Variants in CPA6 observed in about 807,000 individuals in gnomAD.
The protein encoded by CPA6 is carboxypeptidase B.
A neutral mutation model predicts 63.3 loss-of-function variants in CPA6; 58 were observed. The ratio of observed to expected loss-of-function variants is 0.92; its 90% CI spans 0.74 to 1.14. The LOEUF is 1.14. CPA6 is among the 50% of genes most tolerant of loss of function. The pLI is 0.00. For missense variants in CPA6, 565 were observed against 526.6 expected (o/e 1.07, Z -0.71); for synonymous variants, 185 against 179.0 (o/e 1.03, Z -0.27).
At chr8:67,702,906 AAGTGTACTTTACTTCCT>A (rs1173814054) in intron 1 of CPA6, among the ~76,000 whole-genome samples, 2 of 152,106 alleles carry the variant, frequency 1.3e-5, no homozygotes, top group African/African-American at 4.8e-5. Context: ...GCCCTCTTCC[AAGTGTACTTTACTTCCT>A]TTCATTCCTG....
intron 6 of CPA6, among the ~76,000 whole-genome samples, chr8:67,486,345 A>G (rs912073876): frequency 1.3e-5 from 2 of 152,262 alleles, no homozygotes; most frequent in African/African-American, 4.8e-5. Context: ...GAAATCTGCT[A>G]TGTGACACTT....
chr8:67,673,252 G>A (rs1816387883), intron 1 of CPA6, among the ~76,000 whole-genome samples: 1 of 151,748 alleles, frequency 6.6e-6, no homozygotes, highest in African/African-American at 2.4e-5. Context: ...GGGCAAAATA[G>A]GGATATTCAC....
At chr8:67,438,209 T>G (rs1454339303) in intron 8 of CPA6, among the ~76,000 whole-genome samples, 4 of 152,208 alleles carry the variant, frequency 2.6e-5, no homozygotes, top group African/African-American at 7.2e-5. Context: ...TGGGCCACCA[T>G]GCCCGGCTAA....
intron 10 of CPA6, among the ~76,000 whole-genome samples, chr8:67,427,548 C>T (rs1305996583): frequency 6.6e-6 from 1 of 152,232 alleles, no homozygotes; most frequent in Admixed American, 6.5e-5. Context: ...TCTGGCTCTG[C>T]TATACATTTT....
intron 1 of CPA6, among the ~76,000 whole-genome samples, chr8:67,702,017 CAA>C (rs1817034952): frequency 6.6e-6 from 1 of 152,032 alleles, no homozygotes; most frequent in Non-Finnish European, 1.5e-5. Flanking sequence ...CTCCTACTCT[CAA>C]GTGTTTGTTA....
At chr8:67,572,407 A>G (rs1298849191) in intron 2 of CPA6, among the ~76,000 whole-genome samples, 1 of 152,192 alleles carries the variant, frequency 6.6e-6, no homozygotes, top group African/African-American at 2.4e-5. Flanking sequence ...ATTAGTTCCT[A>G]TGAGAGGAGC....
chr8:67,731,397 T>A (rs566012056), intron 1 of CPA6, among the ~76,000 whole-genome samples: 2 of 152,304 alleles, frequency 1.3e-5, no homozygotes, highest in African/African-American at 4.8e-5. Flanking sequence ...TCCTCTCACT[T>A]CTTCCACAAT....
At chr8:67,475,509 A>G (rs1811152761) in intron 8 of CPA6, among the ~76,000 whole-genome samples, 1 of 152,238 alleles carries the variant, frequency 6.6e-6, no homozygotes, top group African/African-American at 2.4e-5. Context: ...GGGAGCTGGA[A>G]TAATGGCTGA....
intron 1 of CPA6, among the ~76,000 whole-genome samples, chr8:67,726,706 CA>C (rs1292281166): frequency 7.2e-5 from 11 of 152,306 alleles, no homozygotes; most frequent in African/African-American, 2.6e-4. Context: ...TACTTAAATG[CA>C]TATATCAGCA....
At chr8:67,679,024 TA>T (rs1368921876) in intron 1 of CPA6, among the ~76,000 whole-genome samples, 1 of 152,172 alleles carries the variant, frequency 6.6e-6, no homozygotes, top group Non-Finnish European at 1.5e-5. Flanking sequence ...GGTATGGTGT[TA>T]AAAGTCAGGA....
chr8:67,472,168 G>C (rs1266203632), intron 8 of CPA6, among the ~76,000 whole-genome samples: 1 of 152,024 alleles, frequency 6.6e-6, no homozygotes. Flanking sequence ...TAAAGACTGA[G>C]CAGCATGGGA....
intron 1 of CPA6, among the ~76,000 whole-genome samples, chr8:67,720,586 G>A (rs1462871752): frequency 6.6e-6 from 1 of 152,162 alleles, no homozygotes; most frequent in Non-Finnish European, 1.5e-5. Flanking sequence ...TCCAGTGACG[G>A]AGTAAAAGGA....
At chr8:67,737,958 CTATGA>C (rs777660120) in intron 1 of CPA6, among the ~76,000 whole-genome samples, 33 of 152,150 alleles carry the variant, frequency 2.2e-4, no homozygotes, top group African/African-American at 7.0e-4. Flanking sequence ...AGGGATTGGG[CTATGA>C]TATATTTTTT....
intron 6 of CPA6, among the ~76,000 whole-genome samples, chr8:67,496,839 G>A (rs570174511): frequency 1.5e-4 from 23 of 152,040 alleles, no homozygotes; most frequent in East Asian, 7.8e-4. Flanking sequence ...GATTACAGGC[G>A]TGAGCCACGG....
chr8:67,475,838 T>TC (rs1383623832), intron 8 of CPA6, among the ~76,000 whole-genome samples: 22 of 83,898 alleles, frequency 2.6e-4, no homozygotes, highest in African/African-American at 1.8e-4. Context: ...TTTCTTTCTT[T>TC]CTTTCTTTCT....
intron 1 of CPA6, among the ~76,000 whole-genome samples, chr8:67,664,977 G>A (rs1587684683): frequency 6.6e-6 from 1 of 152,136 alleles, no homozygotes; most frequent in African/African-American, 2.4e-5. Flanking sequence ...GTACTACCTA[G>A]GAAAGGGCGA....
chr8:67,675,292 G>T (rs1269485657), intron 1 of CPA6, among the ~76,000 whole-genome samples: 3 of 152,122 alleles, frequency 2.0e-5, no homozygotes, highest in Admixed American at 1.3e-4. Context: ...ACGCTGGGCT[G>T]GTTGCTCTTG....
At chr8:67,576,812 G>C (rs1813637833) in intron 2 of CPA6, among the ~76,000 whole-genome samples, 1 of 152,008 alleles carries the variant, frequency 6.6e-6, no homozygotes, top group African/African-American at 2.4e-5. Context: ...TGGCACGGTG[G>C]GTGGAAGGAA....
chr8:67,525,791 A>G (rs1219620341), intron 2 of CPA6, among the ~76,000 whole-genome samples: 1 of 152,238 alleles, frequency 6.6e-6, no homozygotes, highest in East Asian at 1.9e-4. Flanking sequence ...TAAATATTGC[A>G]TGTTCTCACT....
Sources: gnomAD v4.1 joint callset for allele counts (sites outside exome capture counted in the v4.1 genomes callset) on GRCh38, gnomAD v4.1.1 for gene constraint, MANE v1.5 for transcripts, NCBI Gene and HGNC (gene_info 2026-07-23, HGNC 2026-07-21) for gene names.